The following LRRC4C variants were observed in gnomAD, a reference collection of about 807,000 sequenced individuals.
LRRC4C encodes the protein leucine-rich repeat-containing protein 4C.
In LRRC4C, 5 loss-of-function variants were observed where a neutral mutation model predicts 33.6. The observed-to-expected ratio is 0.15, with a 90% confidence interval of 0.08 to 0.31. The LOEUF is 0.31. LRRC4C is among the 10% of genes least tolerant of loss of function. LRRC4C has a pLI of 1.00. For missense variants in LRRC4C, 560 were observed against 796.7 expected (o/e 0.70, Z 3.58); for synonymous variants, 329 against 302.0 (o/e 1.09, Z -0.93).
At chr11:40,958,206 G>T (rs1959046875) in intron 1 of LRRC4C, among the ~76,000 whole-genome samples, 1 of 151,690 alleles carries the variant, frequency 6.6e-6, no homozygotes, top group African/African-American at 2.4e-5. Flanking sequence ...GAGCCACTCA[G>T]CTTGTGGTAT....
chr11:40,179,967 TCA>T (rs1860851536), intron 5 of LRRC4C, among the ~76,000 whole-genome samples: 1 of 152,166 alleles, frequency 6.6e-6, no homozygotes, highest in Non-Finnish European at 1.5e-5. Context: ...GATAGATGTA[TCA>T]CACTTTCTCT....
chr11:40,336,714 C>T (rs766741650), intron 3 of LRRC4C, among the ~76,000 whole-genome samples: 4 of 151,968 alleles, frequency 2.6e-5, no homozygotes, highest in Non-Finnish European at 5.9e-5. Flanking sequence ...CGGTGGCTCA[C>T]GCCTGTAATC....
intron 1 of LRRC4C, among the ~76,000 whole-genome samples, chr11:41,082,079 T>G (rs1334485799): frequency 6.6e-6 from 1 of 152,164 alleles, no homozygotes; most frequent in African/African-American, 2.4e-5. Context: ...TCTCATCCCC[T>G]GAGAAGCTGC....
intron 1 of LRRC4C, among the ~76,000 whole-genome samples, chr11:41,333,757 G>A (rs1365907387): frequency 6.6e-6 from 1 of 152,118 alleles, no homozygotes; most frequent in Admixed American, 6.5e-5. Flanking sequence ...TTATTTTGCA[G>A]CCTGAAAATT....
intron 1 of LRRC4C, among the ~76,000 whole-genome samples, chr11:41,105,712 A>C (rs1304175464): frequency 3.3e-5 from 5 of 152,052 alleles, no homozygotes; most frequent in Admixed American, 3.3e-4. Context: ...TACAACTTCG[A>C]TGTACAATTG....
At chr11:40,165,155 T>C (rs971732189) in intron 5 of LRRC4C, among the ~76,000 whole-genome samples, 1 of 152,210 alleles carries the variant, frequency 6.6e-6, no homozygotes, top group African/African-American at 2.4e-5. Flanking sequence ...ATTGTATTTG[T>C]GTGTATTTAT....
chr11:40,759,781 C>A (rs1949114780), intron 2 of LRRC4C, among the ~76,000 whole-genome samples: 3 of 151,760 alleles, frequency 2.0e-5, no homozygotes, highest in Admixed American at 2.0e-4. Context: ...ATACATTTTT[C>A]CCCTTCCTGA....
chr11:41,031,986 C>T (rs1856757357), intron 1 of LRRC4C, among the ~76,000 whole-genome samples: 1 of 152,002 alleles, frequency 6.6e-6, no homozygotes, highest in South Asian at 2.1e-4. Context: ...CACAAAATTT[C>T]CTTGTGGCAT....
chr11:41,436,830 A>G (rs1296826307), intron 1 of LRRC4C, among the ~76,000 whole-genome samples: 1 of 152,154 alleles, frequency 6.6e-6, no homozygotes, highest in Non-Finnish European at 1.5e-5. Context: ...AGTCCCTAAA[A>G]CTAGTACTTT....
intron 1 of LRRC4C, among the ~76,000 whole-genome samples, chr11:41,409,558 T>C (rs989377676): frequency 6.6e-6 from 1 of 152,156 alleles, no homozygotes; most frequent in Non-Finnish European, 1.5e-5. Flanking sequence ...AACAGAGACA[T>C]AGACATGTTA....
chr11:41,037,854 A>C (rs1427976691), intron 1 of LRRC4C, among the ~76,000 whole-genome samples: 1 of 152,138 alleles, frequency 6.6e-6, no homozygotes, highest in Non-Finnish European at 1.5e-5. Flanking sequence ...CTAAATAGAT[A>C]ATTGGGTCAG....
intron 1 of LRRC4C, among the ~76,000 whole-genome samples, chr11:41,232,106 T>C (rs1164366277): frequency 6.6e-6 from 1 of 151,988 alleles, no homozygotes; most frequent in Non-Finnish European, 1.5e-5. Context: ...CCCTTGCCCC[T>C]TGGACTCAGC....
chr11:40,519,103 T>A (rs1955695025), intron 3 of LRRC4C, among the ~76,000 whole-genome samples: 2 of 151,760 alleles, frequency 1.3e-5, no homozygotes, highest in African/African-American at 4.8e-5. Flanking sequence ...AGTGGGGAGC[T>A]AGGGGAGGGA....
intron 1 of LRRC4C, among the ~76,000 whole-genome samples, chr11:41,399,085 C>G (rs1953931035): frequency 6.6e-6 from 1 of 151,920 alleles, no homozygotes. Context: ...CTGAAATTTG[C>G]AAATTAAACT....
At chr11:41,427,891 G>T (rs1226651127) in intron 1 of LRRC4C, among the ~76,000 whole-genome samples, 1 of 152,054 alleles carries the variant, frequency 6.6e-6, no homozygotes, top group Non-Finnish European at 1.5e-5. Context: ...GCTCAGCCTG[G>T]CTCAAAAGCT....
chr11:40,572,904 T>G (rs1408090744), intron 3 of LRRC4C, among the ~76,000 whole-genome samples: 1 of 152,226 alleles, frequency 6.6e-6, no homozygotes, highest in Admixed American at 6.5e-5. Flanking sequence ...AATAAAATGC[T>G]TATCATTTTT....
chr11:40,657,042 CA>C, intron 2 of LRRC4C, among the ~76,000 whole-genome samples: 1 of 151,840 alleles, frequency 6.6e-6, no homozygotes, highest in Non-Finnish European at 1.5e-5. Context: ...TCCAAGCTAC[CA>C]AAAAAAGTGT....
intron 2 of LRRC4C, among the ~76,000 whole-genome samples, chr11:40,892,183 A>T (rs571353086): frequency 6.6e-6 from 1 of 151,938 alleles, no homozygotes; most frequent in African/African-American, 2.4e-5. Flanking sequence ...TCCTCAAAAA[A>T]CTAAAATTAG....
At chr11:40,875,702 A>G (rs963755261) in intron 2 of LRRC4C, among the ~76,000 whole-genome samples, 8 of 152,152 alleles carry the variant, frequency 5.3e-5, no homozygotes, top group Non-Finnish European at 1.2e-4. Flanking sequence ...CAGCAGTCCC[A>G]AACCTTTTTG....
Sources: gnomAD v4.1 joint callset for allele counts (sites outside exome capture counted in the v4.1 genomes callset) on GRCh38, gnomAD v4.1.1 for gene constraint, MANE v1.5 for transcripts, NCBI Gene and HGNC (gene_info 2026-07-23, HGNC 2026-07-21) for gene names.